Variants in CXorf38 observed in about 807,000 individuals in gnomAD.
The protein encoded by CXorf38 is chromosome X open reading frame 38.
Under a neutral mutation model 27.5 loss-of-function variants are expected in CXorf38, and 13 were observed. The observed-to-expected ratio is 0.47, with a 90% CI of 0.31 to 0.75. The LOEUF (loss-of-function observed/expected upper bound fraction) is 0.75, where lower values mean the gene tolerates loss of function less well. Ranked by LOEUF, CXorf38 falls within the 30% of genes least tolerant of loss-of-function variation. CXorf38 has a pLI of 0.05. For missense variants in CXorf38, 240 were observed against 253.2 expected (o/e 0.95, Z 0.35); for synonymous variants, 100 against 99.8 (o/e 1.00, Z -0.01).
intron 5 of CXorf38, among the ~76,000 whole-genome samples, chrX:40,631,466 C>T (rs1339588656): frequency 9.1e-6 from 1 of 110,174 alleles, no homozygotes; most frequent in Admixed American, 9.6e-5. Flanking sequence ...TGCCACCACG[C>T]CCGGCTAATT....
At chrX:40,636,420 A>C (rs1376373805) in intron 5 of CXorf38, 113 bp downstream of exon 5, 3 of 481,000 alleles carry the variant, frequency 6.2e-6, no homozygotes, top group Non-Finnish European at 1.0e-5. Flanking sequence ...GAAATTATTT[A>C]ACTTATAAAT....
At chrX:40,636,876 T>C in intron 4 of CXorf38, 131 bp downstream of exon 4, 2 of 808,933 alleles carry the variant, frequency 2.5e-6, no homozygotes, top group East Asian at 3.2e-5. Flanking sequence ...GATTTCATAT[T>C]GGCATTCTTT....
intron 6 of CXorf38, 70 bp downstream of exon 6, chrX:40,630,542 CAT>C (rs1404761577): frequency 9.9e-7 from 1 of 1,014,282 alleles, no homozygotes; most frequent in Non-Finnish European, 1.3e-6. Flanking sequence ...GATGGCCTCA[CAT>C]GAGAGAATAG....
chrX:40,640,198 T>C, intron 2 of CXorf38: 1 of 317,801 alleles, frequency 3.1e-6, no homozygotes, highest in South Asian at 2.8e-5. Flanking sequence ...TGCATTGTGG[T>C]GTGTGCTATA....
At chrX:40,643,816 T>C (rs1928455742) in intron 2 of CXorf38, among the ~76,000 whole-genome samples, 1 of 112,241 alleles carries the variant, frequency 8.9e-6, no homozygotes, top group Admixed American at 9.4e-5. Context: ...CGCCTGGACA[T>C]TTCTTACAAA....
intron 2 of CXorf38, 45 bp downstream of exon 2, chrX:40,646,962 G>A: frequency 1.7e-6 from 2 of 1,190,287 alleles, no homozygotes; most frequent in Non-Finnish European, 2.3e-6. Context: ...CCGAGTGCTG[G>A]GTGACCCGCC....
intron 2 of CXorf38, among the ~76,000 whole-genome samples, chrX:40,643,083 G>A (rs2146585671): frequency 9.2e-6 from 1 of 109,057 alleles, no homozygotes; most frequent in African/African-American, 3.4e-5. Context: ...GCCACGCCCG[G>A]CTAATTTTTG....
At chrX:40,640,121 G>T in intron 2 of CXorf38, 1 of 279,938 alleles carries the variant, frequency 3.6e-6, no homozygotes, top group South Asian at 3.4e-5. Context: ...AAAGCAGGAG[G>T]ATCGTTTGAG....
intron 1 of CXorf38, 38 bp downstream of exon 1, chrX:40,647,267 G>T: frequency 1.8e-6 from 2 of 1,097,115 alleles, no homozygotes; most frequent in Non-Finnish European, 2.4e-6. Context: ...GAGGGGTGGG[G>T]TGGGGGCGGT....
Position 40,630,636 on chromosome X carries a change from T to G in CXorf38, c.939A>C (p.Gln313His), listed in dbSNP as rs147827701. 10 of 1,208,399 alleles carry G rather than the reference T, an allele frequency of 8.3e-6. No individual in the cohort carries two copies. Among genetic ancestry groups the G allele is most frequent in the Non-Finnish European group, 1.1e-5 (10 of 894,452 alleles). The change falls in exon 6 of 7, where the codon CAA becomes CAC. Residue 313 changes from glutamine to histidine, a missense_variant. Coordinates refer to ENST00000327877, the MANE Select transcript of CXorf38 (RefSeq NM_144970.3). ...QKLDSQEPGR[Q>H]TPDRKA ...CACCTCAGGCCTTCCTGTCAGGTGT[T>G]TGTCTCCCAGGTTCCTGTGAATCCA...
At position 40,628,113 on chromosome X, in the gene CXorf38, T is replaced by C. The variant is rs1456815275; in HGVS notation, c.*2051A>G. 8.9e-6 allele frequency: 1 copy of C among 112,058 alleles called. No individual in the cohort carries two copies. The highest frequency in any genetic ancestry group is 2.8e-4 in the East Asian group (1 of 3,612). 9.2% of individuals were successfully genotyped at this position (112,058 alleles called of 1,213,427 possible). A position where few individuals can be genotyped will look rare whatever the true frequency, so the allele number is the denominator to read the frequency against. ...GTGAGATGAATGAAATTTCTTTCTT[T>C]ACTGTTGAAGTTTTCTCAAGGAATT... On this transcript the variant is annotated 3_prime_UTR_variant, in exon 7 of 7. Transcript: ENST00000327877.
At chrX:40,645,180 C>T (rs780394581) in intron 2 of CXorf38, among the ~76,000 whole-genome samples, 1 of 111,025 alleles carries the variant, frequency 9.0e-6, no homozygotes, top group East Asian at 2.8e-4. Flanking sequence ...GGCAGGGGTG[C>T]ATGAATAAGT....
chrX:40,630,728 C>A lies in CXorf38; in HGVS notation c.847G>T (p.Glu283Ter), dbSNP rs780305790. The A allele has an allele frequency of 8.3e-7, 1 of 1,210,164 alleles. No homozygotes were observed. Among genetic ancestry groups the A allele is most frequent in the Non-Finnish European group, 1.1e-6 (1 of 894,321 alleles). The change falls in exon 6 of 7, where the codon GAG (glutamate) becomes TAG (stop). Residue 283 changes from glutamate (E) to a stop codon, truncating the protein, a stop_gained. Coordinates refer to ENST00000327877, the MANE Select transcript of CXorf38 (RefSeq NM_144970.3). LOFTEE classifies it high-confidence loss of function. ...EVVKEFLRNN[E>*]DLRNGLTEDM... ...TCTGTAAGGCCATTTCTAAGATCCTCATTGTTTCTCAGAAATTCCTTCACC... is the reference window on the plus strand; with the variant it reads ...TCTGTAAGGCCATTTCTAAGATCCTAATTGTTTCTCAGAAATTCCTTCACC...
chrX:40,633,549 T>G (rs1268132240), intron 5 of CXorf38, among the ~76,000 whole-genome samples: 1 of 111,654 alleles, frequency 9.0e-6, no homozygotes, highest in Non-Finnish European at 1.9e-5. Context: ...CTAAACAGTA[T>G]CTGTCTGTTT....
rs776670240 is a variant in CXorf38, at chrX:40,631,307, G to A, written c.802-534C>T. On this transcript the variant is annotated intron_variant, in intron 5 of 6. Coordinates refer to ENST00000327877, the MANE Select transcript of CXorf38 (RefSeq NM_144970.3). Reference sequence around the variant, plus strand: ...CACACACACGTGTATGTGTGTGTGTGTATATTTTTTGTTTTTTTGAGACAG... The same window carrying A: ...CACACACACGTGTATGTGTGTGTGTATATATTTTTTGTTTTTTTGAGACAG... Among the ~76,000 whole-genome samples the A allele has an allele frequency of 4.4e-3, 462 of 105,280 alleles. 4 individuals are homozygous for A. Among genetic ancestry groups the A allele is most frequent in the Middle Eastern group, 0.01 (2 of 200 alleles). The allele number at this position is 105,280 out of a possible 115,157, so 91.4% of individuals were successfully genotyped here. A position where few individuals can be genotyped will look rare whatever the true frequency, so the allele number is the denominator to read the frequency against.
intron 2 of CXorf38, among the ~76,000 whole-genome samples, chrX:40,646,798 T>C (rs1046388267): frequency 3.6e-5 from 4 of 111,502 alleles, no homozygotes; most frequent in Non-Finnish European, 7.6e-5. Context: ...CAAACTCAAA[T>C]GCCCTCAGGA....
At chrX:40,647,244 G>C in intron 1 of CXorf38, 61 bp downstream of exon 1, 6 of 899,889 alleles carry the variant, frequency 6.7e-6, no homozygotes, top group Non-Finnish European at 9.0e-6. Context: ...TCTGGGACAG[G>C]AACGGGGATG....
At position 40,639,000 on chromosome X, in the gene CXorf38, A is replaced by G. The variant is rs1235334340; in HGVS notation, c.471+9T>C. 8.3e-7 allele frequency: 1 copy of G among 1,209,708 alleles called. No homozygotes were observed. ...CTCAGGGTATGCTTTTGAATCTGAC[A>G]GCTCTTACCTCTGTGACTTTCTTTC... On this transcript the variant is annotated intron_variant, in intron 3 of 6. Transcript: ENST00000327877.
chrX:40,641,635 G>A (rs763243536), intron 2 of CXorf38, among the ~76,000 whole-genome samples: 5 of 111,762 alleles, frequency 4.5e-5, no homozygotes, highest in African/African-American at 1.3e-4. Context: ...CAAGTGATCC[G>A]CCTGCTTCGG....
Sources: allele counts gnomAD v4.1 joint callset (sites outside exome capture counted in the v4.1 genomes callset), GRCh38; gene constraint gnomAD v4.1.1; transcripts MANE v1.5; gene names NCBI Gene and HGNC (gene_info 2026-07-23, HGNC 2026-07-21).